CEP192: variants seen among roughly 807,000 people sequenced by gnomAD.
CEP192 encodes the protein centrosomal protein 192.
A neutral mutation model predicts 271.8 loss-of-function variants in CEP192; 151 were observed. The ratio of observed to expected loss-of-function variants is 0.56; its 90% CI spans 0.49 to 0.64. The LOEUF is 0.64. Among genes scored for constraint, CEP192 ranks in the 30% least tolerant of loss-of-function variants. The probability of loss-of-function intolerance (pLI) is 0.00; values close to 1 mark genes in which losing one functional copy is unlikely to be tolerated. For missense variants in CEP192, 2,910 were observed against 3,020.5 expected (o/e 0.96, Z 0.86); for synonymous variants, 995 against 1,076.5 (o/e 0.92, Z 1.48).
At chr18:13,063,914 G>A (rs2037545681) in intron 21 of CEP192, among the ~76,000 whole-genome samples, 1 of 149,794 alleles carries the variant, frequency 6.7e-6, no homozygotes, top group Non-Finnish European at 1.5e-5. Flanking sequence ...TCTGCCTCCC[G>A]GGTTCAAGCT....
At chr18:13,045,501 C>T (rs893867807) in intron 15 of CEP192, among the ~76,000 whole-genome samples, 6 of 152,040 alleles carry the variant, frequency 3.9e-5, no homozygotes, top group African/African-American at 7.2e-5. Flanking sequence ...ATTTTCTGTA[C>T]GCTTGTAGGG....
intron 9 of CEP192, among the ~76,000 whole-genome samples, chr18:13,025,356 A>G (rs1233363387): frequency 1.3e-5 from 2 of 152,070 alleles, no homozygotes; most frequent in Non-Finnish European, 2.9e-5. Context: ...AGTTGGGACA[A>G]CAGGCACATG....
chr18:13,023,818 G>C (rs956811833), intron 9 of CEP192, among the ~76,000 whole-genome samples: 24 of 152,036 alleles, frequency 1.6e-4, no homozygotes, highest in Admixed American at 1.4e-3. Context: ...TTCCTTGTTT[G>C]GTGGAATTCA....
At chr18:13,039,808 A>G (rs1334747842) in intron 13 of CEP192, among the ~76,000 whole-genome samples, 2 of 152,102 alleles carry the variant, frequency 1.3e-5, no homozygotes, top group Non-Finnish European at 2.9e-5. Context: ...AGGTAGTGAA[A>G]GTCAGCAAAA....
At chr18:13,117,329 A>T (rs1236290498) in intron 43 of CEP192, among the ~76,000 whole-genome samples, 1 of 152,198 alleles carries the variant, frequency 6.6e-6, no homozygotes, top group African/African-American at 2.4e-5. Flanking sequence ...TTAATTTTTA[A>T]CTTTTTCTTT....
intron 43 of CEP192, among the ~76,000 whole-genome samples, chr18:13,117,009 C>A (rs1356153987): frequency 6.6e-6 from 1 of 151,936 alleles, no homozygotes; most frequent in Non-Finnish European, 1.5e-5. Context: ...ATTGTTTGAG[C>A]CCAGGAGTTT....
chr18:13,115,727 A>G (rs1193801302), intron 42 of CEP192, among the ~76,000 whole-genome samples: 1 of 152,040 alleles, frequency 6.6e-6, no homozygotes, highest in South Asian at 2.1e-4. Context: ...ACACAAGTGG[A>G]GGATCAGGTT....
At chr18:12,998,030 ATC>A (rs1406669978) in intron 1 of CEP192, among the ~76,000 whole-genome samples, 13 of 152,106 alleles carry the variant, frequency 8.5e-5, no homozygotes, top group African/African-American at 3.1e-4. Context: ...TGGCCTCATA[ATC>A]TCTTTAGTGG....
At chr18:13,102,568 C>T (rs528454935) in intron 38 of CEP192, among the ~76,000 whole-genome samples, 1 of 152,278 alleles carries the variant, frequency 6.6e-6, no homozygotes, top group South Asian at 2.1e-4. Context: ...CACTTAAGAG[C>T]TCCATGTGCC....
At chr18:13,045,976 T>C (rs1297207470) in intron 15 of CEP192, among the ~76,000 whole-genome samples, 2 of 152,230 alleles carry the variant, frequency 1.3e-5, no homozygotes, top group Non-Finnish European at 2.9e-5. Flanking sequence ...ATTTTGCTTT[T>C]CAACCAGTCT....
intron 11 of CEP192, among the ~76,000 whole-genome samples, chr18:13,033,155 A>T (rs1243399517): frequency 6.6e-6 from 1 of 152,240 alleles, no homozygotes; most frequent in African/African-American, 2.4e-5. Flanking sequence ...AAAAGTTTTT[A>T]AAAATTAGCA....
chr18:12,995,266 G>A (rs528117353), intron 1 of CEP192, among the ~76,000 whole-genome samples: 21 of 151,776 alleles, frequency 1.4e-4, no homozygotes, highest in African/African-American at 4.1e-4. Flanking sequence ...GGGTTTCACC[G>A]TGTTAGCCAG....
rs572572018 is a variant in CEP192 at position 13,056,217 on chromosome 18, T to A, written c.3627T>A (p.Arg1209=). The change falls in exon 19 of 45, where the codon CGT becomes CGA. Residue 1209 remains arginine, a synonymous_variant. Transcript: ENST00000506447. ...CTAAAGATAAGTCAACTGCTGGCCG[T>A]GAGTTCAGTGGCCAGGTTTCTCATC... is the stretch of plus-strand genomic sequence containing the variant. ...ISPKDKSTAG[R]EFSGQVSHQT... is the part of the protein sequence containing the mutation. 250 of 1,614,080 alleles carry A rather than the reference T, an allele frequency of 1.5e-4. 3 individuals carry two copies. In the South Asian group the frequency reaches 2.6e-3, roughly 17 times the overall value.
chr18:13,038,368 A>T lies in CEP192; in HGVS notation c.1600-2A>T. 6.5e-7 allele frequency: 1 copy of T among 1,550,022 alleles called. No individual in the cohort carries two copies. Among genetic ancestry groups the T allele is most frequent in the Non-Finnish European group, 8.7e-7 (1 of 1,145,506 alleles). ...GAAACGAAACAATAACTTTCTCCCT[A>T]GGAAGAAAACATAGATGCTCATAAT... On this transcript the variant is annotated splice_acceptor_variant, in intron 12 of 44. Transcript: ENST00000506447. LOFTEE classifies it high-confidence loss of function.
At chr18:13,084,387 G>C (rs1484165949) in intron 30 of CEP192, among the ~76,000 whole-genome samples, 1 of 151,844 alleles carries the variant, frequency 6.6e-6, no homozygotes, top group Admixed American at 6.5e-5. Flanking sequence ...AGACTGCTGT[G>C]TTAGCAGTGA....
intron 15 of CEP192, 138 bp from the exon 16 acceptor site, chr18:13,048,720 CA>C (rs2036609939): frequency 1.3e-5 from 8 of 616,074 alleles, no homozygotes; most frequent in Non-Finnish European, 2.3e-5. Context: ...TGATTTATGG[CA>C]GTCGGATTTG....
At chr18:13,079,577 T>G (rs1447736454) in intron 30 of CEP192, among the ~76,000 whole-genome samples, 2 of 152,330 alleles carry the variant, frequency 1.3e-5, no homozygotes, top group East Asian at 3.9e-4. Flanking sequence ...TTTCTCCCAT[T>G]CTGTAGGTTG....
At chr18:13,036,681 A>G (rs868642073) in intron 11 of CEP192, among the ~76,000 whole-genome samples, 1 of 152,272 alleles carries the variant, frequency 6.6e-6, no homozygotes, top group African/African-American at 2.4e-5. Context: ...CATTTTAGTG[A>G]TGGCCTTTGG....
chr18:13,102,298 C>T (rs918785568), intron 38 of CEP192, among the ~76,000 whole-genome samples: 9 of 152,024 alleles, frequency 5.9e-5, no homozygotes, highest in Non-Finnish European at 1.3e-4. Flanking sequence ...AACCCTCTGC[C>T]TGGAACCAGG....
Sources: allele counts gnomAD v4.1 joint callset (sites outside exome capture counted in the v4.1 genomes callset), GRCh38; gene constraint gnomAD v4.1.1; transcripts MANE v1.5; gene names NCBI Gene and HGNC (gene_info 2026-07-23, HGNC 2026-07-21).